The following ANKRD28 variants were observed in gnomAD, a reference collection of about 807,000 sequenced individuals.
ANKRD28 encodes serine/threonine-protein phosphatase 6 regulatory ankyrin repeat subunit A.
A neutral mutation model predicts 126.5 loss-of-function variants in ANKRD28; 44 were observed. The observed-to-expected ratio is 0.35, with a 90% CI of 0.27 to 0.45. The LOEUF is 0.45. Ranked by LOEUF, ANKRD28 falls within the 20% of genes least tolerant of loss-of-function variation. ANKRD28 has a pLI of 1.00. For missense variants in ANKRD28, 1,110 were observed against 1,316.6 expected, an observed-to-expected ratio of 0.84 and a Z score of 2.43; for synonymous variants, 442 against 468.5, an observed-to-expected ratio of 0.94 and a Z score of 0.73.
chr3:15,757,772 C>T (rs754101282), intron 3 of ANKRD28, among the ~76,000 whole-genome samples: 3 of 152,198 alleles, frequency 2.0e-5, no homozygotes, highest in Non-Finnish European at 2.9e-5. Context: ...CTGTGATATT[C>T]TGTTATGGCA....
At chr3:15,800,612 T>A (rs2060444157), upstream of ANKRD28, among the ~76,000 whole-genome samples, 1 of 152,106 alleles carries the variant, frequency 6.6e-6, no homozygotes, top group Non-Finnish European at 1.5e-5. Context: ...TTCAGTGATC[T>A]CTTGAGAGTC....
chr3:15,683,444 C>T (rs1473792263), intron 21 of ANKRD28, among the ~76,000 whole-genome samples: 1 of 152,068 alleles, frequency 6.6e-6, no homozygotes, highest in Non-Finnish European at 1.5e-5. Context: ...TTCTACTTGC[C>T]TTAGCGAGTA....
chr3:15,737,256 A>C (rs2075078001), intron 4 of ANKRD28, 23 bp from the exon 5 acceptor site: 1 of 1,595,230 alleles, frequency 6.3e-7, no homozygotes, highest in Non-Finnish European at 8.6e-7. Flanking sequence ...AAAAGTTATA[A>C]AAGACAAATG....
intron 1 of ANKRD28, among the ~76,000 whole-genome samples, chr3:15,808,050 T>A (rs1304139618): frequency 2.0e-5 from 3 of 152,094 alleles, no homozygotes; most frequent in Admixed American, 2.0e-4. Context: ...GGACAAAAAA[T>A]CTGAGTTGGA....
intron 2 of ANKRD28, among the ~76,000 whole-genome samples, chr3:15,774,931 C>CA (rs747346912): frequency 6.6e-6 from 1 of 152,222 alleles, no homozygotes; most frequent in East Asian, 1.9e-4. Flanking sequence ...GGCTGGAGTG[C>CA]AGCAGCACAA....
chr3:15,857,050 T>C lies in ANKRD28; in HGVS notation c.27+2327A>G, dbSNP rs1054382827. On this transcript the variant is annotated intron_variant, in intron 1 of 27. Coordinates refer to the ANKRD28 transcript ENST00000399451. ...AATAATCTAGCTGACCTGCTTTTCC[T>C]GTAGACGGGAAAGTTTAAGAGTATT... Among the ~76,000 whole-genome samples the C allele has an allele frequency of 2.0e-5, 3 of 152,266 alleles. No individual in the cohort carries two copies. The East Asian group carries it at 5.8e-4, about 29-fold the overall frequency.
At chr3:15,849,740 G>C (rs1173182022) in intron 1 of ANKRD28, among the ~76,000 whole-genome samples, 5 of 152,146 alleles carry the variant, frequency 3.3e-5, no homozygotes, top group Non-Finnish European at 7.4e-5. Context: ...GCCCCAGCCA[G>C]ATTTTCTTTG....
chr3:15,729,763 T>A (rs1339981747), intron 6 of ANKRD28, among the ~76,000 whole-genome samples: 1 of 152,222 alleles, frequency 6.6e-6, no homozygotes, highest in Non-Finnish European at 1.5e-5. Flanking sequence ...GTTGTTTATA[T>A]ATAAATTATC....
intron 1 of ANKRD28, among the ~76,000 whole-genome samples, chr3:15,807,374 G>C (rs1220113528): frequency 6.6e-6 from 1 of 152,130 alleles, no homozygotes; most frequent in Non-Finnish European, 1.5e-5. Context: ...GATAGACGTG[G>C]ACATACAAAC....
intron 8 of ANKRD28, among the ~76,000 whole-genome samples, chr3:15,716,359 A>T (rs1461404680): frequency 1.3e-5 from 2 of 149,616 alleles, no homozygotes; most frequent in African/African-American, 5.0e-5. Context: ...TGGTGTAATC[A>T]TAGTTCACTG....
intron 1 of ANKRD28, among the ~76,000 whole-genome samples, chr3:15,823,899 G>C (rs2061000871): frequency 6.6e-6 from 1 of 152,086 alleles, no homozygotes; most frequent in Non-Finnish European, 1.5e-5. Context: ...TCATAGAAGG[G>C]AACTTCTTTA....
At position 15,740,748 on chromosome 3, in the gene ANKRD28, G is replaced by A. The variant is rs559174930; in HGVS notation, c.352-3515C>T. Among the ~76,000 whole-genome samples the A allele has an allele frequency of 2.0e-4, 30 of 152,134 alleles. No homozygotes were observed. The South Asian group carries it at 5.4e-3, about 27-fold the overall frequency. On this transcript the variant is annotated intron_variant, in intron 4 of 27. Coordinates refer to ENST00000683139, the MANE Select transcript of ANKRD28 (RefSeq NM_001349278.2). ...ACAGGAAAATCAATTCTACTTTTTT[G>A]TTTCACTAAAAAGCAAGAACAAATC...
intron 8 of ANKRD28, among the ~76,000 whole-genome samples, chr3:15,717,625 A>C (rs2073223037): frequency 6.6e-6 from 1 of 152,182 alleles, no homozygotes; most frequent in Non-Finnish European, 1.5e-5. Flanking sequence ...CAAGCCAAAC[A>C]CTTCACAGTA....
At chr3:15,802,917 C>G (rs1192505799), upstream of ANKRD28, among the ~76,000 whole-genome samples, 1 of 152,036 alleles carries the variant, frequency 6.6e-6, no homozygotes, top group Non-Finnish European at 1.5e-5. Context: ...TTCTAATGAA[C>G]CATACACACA....
upstream of ANKRD28, among the ~76,000 whole-genome samples, chr3:15,799,068 C>T (rs1159728092): frequency 6.6e-6 from 1 of 151,878 alleles, no homozygotes; most frequent in Non-Finnish European, 1.5e-5. Context: ...TTATTTTAAA[C>T]ACATACTCTT....
At chr3:15,719,854 G>T (rs2073507353) in intron 8 of ANKRD28, among the ~76,000 whole-genome samples, 1 of 151,852 alleles carries the variant, frequency 6.6e-6, no homozygotes, top group Non-Finnish European at 1.5e-5. Context: ...ACTGTATCCG[G>T]CCAAAATTTT....
Position 15,751,753 on chromosome 3 carries a change from A to C in ANKRD28, c.348T>G (p.Ser116Arg). 1 of 1,575,346 alleles carries C rather than the reference A, an allele frequency of 6.3e-7. No homozygotes were observed. Among genetic ancestry groups the C allele is most frequent in the Non-Finnish European group, 8.6e-7 (1 of 1,158,902 alleles). Residue 116 changes from serine to arginine, a missense_variant, in exon 4 of 28, where the codon AGT becomes AGG. By Grantham distance (110) the Ser-to-Arg change is moderately radical. Transcript: ENST00000683139. ...TPLHRAVASC[S>R]EEAVQVLLKH... Reference sequence around the variant, plus strand: ...TTTACTAAGAGAAATTTCATACCTCACTACAAGATGCAACTGCTCTGTGTA... The same window carrying C: ...TTTACTAAGAGAAATTTCATACCTCCCTACAAGATGCAACTGCTCTGTGTA...
chr3:15,806,238 C>T (rs1212960677), intron 1 of ANKRD28, among the ~76,000 whole-genome samples: 1 of 152,156 alleles, frequency 6.6e-6, no homozygotes, highest in Admixed American at 6.5e-5. Flanking sequence ...AAAACGATGT[C>T]AACTCCTTTA....
chr3:15,729,431 T>TA (rs1056923804), intron 6 of ANKRD28, among the ~76,000 whole-genome samples: 10 of 152,220 alleles, frequency 6.6e-5, no homozygotes, highest in Non-Finnish European at 1.5e-4. Flanking sequence ...AGAAGCCCTA[T>TA]AAGCCTTGTG....
Sources: allele counts gnomAD v4.1 joint callset (sites outside exome capture counted in the v4.1 genomes callset), GRCh38; gene constraint gnomAD v4.1.1; transcripts MANE v1.5; gene names NCBI Gene and HGNC (gene_info 2026-07-23, HGNC 2026-07-21).